GLRA1: variants seen among roughly 807,000 people sequenced by gnomAD.
GLRA1 encodes glycine receptor alpha 1, also known as glycine receptor subunit alpha-1.
GLRA1 carries 37 observed loss-of-function variants against 48.3 expected under a neutral mutation model. The observed-to-expected ratio is 0.77, with a 90% CI of 0.59 to 1.01. The LOEUF (loss-of-function observed/expected upper bound fraction) is 1.01, where lower values mean the gene tolerates loss of function less well. Ranked by LOEUF, GLRA1 falls within the 50% of genes least tolerant of loss-of-function variation. The pLI is 0.00. For synonymous variants in GLRA1, 196 were observed against 210.7 expected, an observed-to-expected ratio of 0.93 and a Z score of 0.60; for missense variants, 427 against 571.0, an observed-to-expected ratio of 0.75 and a Z score of 2.57.
chr5:151,850,715 C>A (rs1315266524), intron 7 of GLRA1: 2 of 1,132,836 alleles, frequency 1.8e-6, no homozygotes, highest in African/African-American at 1.5e-5. Flanking sequence ...CACTGCGAAC[C>A]CTTTTCGGTG....
chr5:151,880,803 A>T (rs749651749), intron 3 of GLRA1, among the ~76,000 whole-genome samples: 3 of 152,262 alleles, frequency 2.0e-5, no homozygotes, highest in African/African-American at 4.8e-5. Flanking sequence ...ACATGTAAAC[A>T]TGCCTACTCA....
chr5:151,924,422 G>A (rs1007219983), intron 1 of GLRA1, 72 bp downstream of exon 1: 4 of 941,074 alleles, frequency 4.3e-6, no homozygotes, highest in South Asian at 1.3e-5. Context: ...ATGGGACCAC[G>A]GACAGAGGTA....
chr5:151,893,124 A>G (rs1400426814), intron 1 of GLRA1, among the ~76,000 whole-genome samples: 1 of 152,146 alleles, frequency 6.6e-6, no homozygotes, highest in African/African-American at 2.4e-5. Flanking sequence ...ATTTCACTGT[A>G]TCGAGAGTTA....
At chr5:151,882,822 G>GA (rs1457634794) in intron 3 of GLRA1, among the ~76,000 whole-genome samples, 1 of 151,776 alleles carries the variant, frequency 6.6e-6, no homozygotes, top group African/African-American at 2.4e-5. Flanking sequence ...AGCCAGTGAG[G>GA]AAAAAATCAT....
chr5:151,836,179 CA>C (rs1763573691), intron 7 of GLRA1, among the ~76,000 whole-genome samples: 1 of 151,916 alleles, frequency 6.6e-6, no homozygotes. Context: ...GACAGAGACC[CA>C]AATAATGAGT....
At chr5:151,825,970 A>G (rs1355216436) in intron 8 of GLRA1, among the ~76,000 whole-genome samples, 3 of 152,240 alleles carry the variant, frequency 2.0e-5, no homozygotes, top group African/African-American at 7.2e-5. Flanking sequence ...ACTATTCTTT[A>G]TGGTGAGCTC....
At chr5:151,867,890 A>C (rs1300416651) in intron 3 of GLRA1, among the ~76,000 whole-genome samples, 1 of 152,232 alleles carries the variant, frequency 6.6e-6, no homozygotes, top group Non-Finnish European at 1.5e-5. Context: ...GCACCATTGA[A>C]GACTTAAGCA....
At chr5:151,849,106 T>TTCTTTCTTTC in intron 7 of GLRA1, 1 of 132,718 alleles carries the variant, frequency 7.5e-6, no homozygotes. Context: ...TTCTTTTCTT[T>TTCTTTCTTTC]TCTTTCTTTC....
chr5:151,851,383 G>GCAGA lies in GLRA1; in HGVS notation c.912+6_912+7insTCTG. 3 of 1,601,550 alleles carry GCAGA rather than the reference G, an allele frequency of 1.9e-6. No individual in the cohort carries two copies. The highest frequency in any genetic ancestry group is 2.6e-6 in the Non-Finnish European group (3 of 1,169,546). On this transcript the variant is annotated splice_region_variant and intron_variant, in intron 7 of 8. Transcript: ENST00000274576. ...GGTGTTCTGTGCTCTTGGGCAATGGGACTTACCTTGGGCAGAGATGCTCGA... is the reference window on the plus strand; with the variant it reads ...GGTGTTCTGTGCTCTTGGGCAATGGGCAGAACTTACCTTGGGCAGAGATGCTCGA...
At chr5:151,838,631 A>T (rs146322921) in intron 7 of GLRA1, among the ~76,000 whole-genome samples, 1,751 of 152,328 alleles carry the variant, frequency 0.011, 22 homozygotes, top group Non-Finnish European at 0.018. Context: ...ATATGGTCTG[A>T]GGAACAGAAT....
At chr5:151,868,168 T>G (rs1377923609) in intron 3 of GLRA1, among the ~76,000 whole-genome samples, 3 of 152,170 alleles carry the variant, frequency 2.0e-5, no homozygotes, top group Non-Finnish European at 4.4e-5. Flanking sequence ...AACTCTCTCA[T>G]TTTACAGAAA....
At position 151,822,659 on chromosome 5, in the gene GLRA1, A is replaced by G; in HGVS notation, c.*14T>C. 1 of 1,595,434 alleles carries G rather than the reference A, an allele frequency of 6.3e-7. No homozygotes were observed. The highest frequency in any genetic ancestry group is 8.6e-7 in the Non-Finnish European group (1 of 1,163,534). Reference sequence around the variant, plus strand: ...CGTTCCCCTCTCCCAGCCTCCCCCAACCTTTCAGACCCTTCACTGGTTGTG... The same window carrying G: ...CGTTCCCCTCTCCCAGCCTCCCCCAGCCTTTCAGACCCTTCACTGGTTGTG... On this transcript the variant is annotated 3_prime_UTR_variant, in exon 9 of 9. Coordinates refer to ENST00000274576, the MANE Select transcript of GLRA1 (RefSeq NM_000171.4).
rs80269786 is a variant in GLRA1 at position 151,829,592 on chromosome 5, T to C, written c.913-525A>G. ...ATAAGAACAGCAAGCTTTGTGGCAG[T>C]GTTTAAAAGTGTTATTGAGATATAA... On this transcript the variant is annotated intron_variant, in intron 7 of 8. Transcript: ENST00000274576. 8.6e-3 allele frequency among the ~76,000 whole-genome samples: 1,305 copies of C among 152,342 alleles called. 15 individuals carry two copies. The highest frequency in any genetic ancestry group is 0.03 in the African/African-American group (1,252 of 41,574).
At chr5:151,856,837 T>A (rs578135367) in intron 4 of GLRA1, among the ~76,000 whole-genome samples, 1 of 152,266 alleles carries the variant, frequency 6.6e-6, no homozygotes, top group Admixed American at 6.5e-5. Context: ...ATGATTTTCA[T>A]ATATAGAAAG....
At chr5:151,842,764 AAG>A (rs1386378918) in intron 7 of GLRA1, among the ~76,000 whole-genome samples, 1 of 152,196 alleles carries the variant, frequency 6.6e-6, no homozygotes, top group Admixed American at 6.5e-5. Context: ...AGTTGAGAAA[AAG>A]AAATAAATGA....
At chr5:151,894,933 C>T (rs1404236890) in intron 1 of GLRA1, among the ~76,000 whole-genome samples, 2 of 152,142 alleles carry the variant, frequency 1.3e-5, no homozygotes, top group African/African-American at 4.8e-5. Context: ...ATCTGAAGAT[C>T]CTTACTCATA....
chr5:151,874,301 A>G (rs10214405), intron 3 of GLRA1, among the ~76,000 whole-genome samples: 3,063 of 152,308 alleles, frequency 0.02, 98 homozygotes, highest in African/African-American at 0.071. Context: ...TATGTTCACT[A>G]TTTGGGTGAC....
chr5:151,851,650 A>T, intron 6 of GLRA1, 46 bp from the exon 7 acceptor site: 1 of 1,302,614 alleles, frequency 7.7e-7, no homozygotes, highest in African/African-American at 1.4e-5. Flanking sequence ...GGTGAATAGG[A>T]CAAAAGGCTT....
intron 3 of GLRA1, among the ~76,000 whole-genome samples, chr5:151,881,428 T>G (rs968439732): frequency 1.3e-5 from 2 of 151,514 alleles, no homozygotes; most frequent in Non-Finnish European, 2.9e-5. Context: ...TCAGGTGATC[T>G]TCCTGCCTCA....
Sources: gnomAD v4.1 joint callset for allele counts (sites outside exome capture counted in the v4.1 genomes callset) on GRCh38, gnomAD v4.1.1 for gene constraint, MANE v1.5 for transcripts, NCBI Gene and HGNC (gene_info 2026-07-23, HGNC 2026-07-21) for gene names.